ZDHHC17: variants seen among roughly 807,000 people sequenced by gnomAD.
ZDHHC17 encodes the protein zDHHC palmitoyltransferase 17.
A neutral mutation model predicts 90.3 loss-of-function variants in ZDHHC17; 40 were observed. The observed-to-expected ratio is 0.44, with a 90% confidence interval of 0.34 to 0.58. The LOEUF is 0.58. ZDHHC17 is among the 20% of genes least tolerant of loss of function. The pLI, the probability that ZDHHC17 is intolerant of heterozygous loss-of-function variation, is 0.01. For missense variants in ZDHHC17, 614 were observed against 780.8 expected, an observed-to-expected ratio of 0.79 and a Z score of 2.55; for synonymous variants, 235 against 252.4, an observed-to-expected ratio of 0.93 and a Z score of 0.65.
intron 10 of ZDHHC17, among the ~76,000 whole-genome samples, chr12:76,837,453 C>T (rs1953381269): frequency 6.6e-6 from 1 of 152,092 alleles, no homozygotes; most frequent in Admixed American, 6.6e-5. Context: ...TATGATTATG[C>T]CACTGCACTC....
rs368069879 is a variant in ZDHHC17 at position 76,838,685 on chromosome 12, TTTG to T, written c.1142-3294_1142-3292del. Among the ~76,000 whole-genome samples the T allele has an allele frequency of 1.8e-4, 28 of 152,284 alleles. 1 individual carries two copies. In the South Asian group the frequency reaches 5.0e-3, roughly 27 times the overall value. ...ATCCCCCACCAGCCATCCCCTCAAT[TTTG>T]TTAAGTCACCTTATTAATGACAAGC... On this transcript the variant is annotated intron_variant, in intron 10 of 16. Transcript: ENST00000426126.
chr12:76,778,157 C>T (rs753461504), intron 1 of ZDHHC17, among the ~76,000 whole-genome samples: 15 of 152,030 alleles, frequency 9.9e-5, no homozygotes, highest in Non-Finnish European at 1.9e-4. Flanking sequence ...AGTTTTTGGT[C>T]AGTGAGATGA....
At chr12:76,815,060 T>G in intron 5 of ZDHHC17, 86 bp from the exon 6 acceptor site, 1 of 844,628 alleles carries the variant, frequency 1.2e-6, no homozygotes, top group Non-Finnish European at 1.8e-6. Context: ...GCTTCTCCTT[T>G]TATATATAGA....
intron 1 of ZDHHC17, among the ~76,000 whole-genome samples, chr12:76,792,290 G>A (rs760450128): frequency 7.2e-5 from 11 of 152,154 alleles, no homozygotes; most frequent in Non-Finnish European, 1.2e-4. Flanking sequence ...GCCTTGTGCC[G>A]TGAACCTGGG....
chr12:76,848,374 T>C lies in ZDHHC17; in HGVS notation c.1649T>C (p.Met550Thr), dbSNP rs563467214. The C allele has an allele frequency of 1.1e-5, 18 of 1,613,900 alleles. No homozygotes were observed. In the East Asian group the frequency reaches 4.0e-4, roughly 36 times the overall value. The part of the protein sequence containing the change: ...FHFMWVAVLL[M>T]CQMYQISCLG... The stretch of plus-strand genomic sequence containing the variant: ...TTCATGTGGGTGGCTGTATTACTCA[T>C]GTGTCAGATGTACCAGGTATGTGCA... The change falls in exon 15 of 17, where the codon ATG becomes ACG. Residue 550 changes from methionine to threonine, a missense_variant. By Grantham distance (81) the Met-to-Thr change is moderately conservative. Coordinates refer to ENST00000426126, the MANE Select transcript of ZDHHC17 (RefSeq NM_015336.4).
In ZDHHC17 at chr12:76,802,212, C is replaced by T. The variant is rs12322342; in HGVS notation, c.198-3105C>T. 8.3e-3 allele frequency among the ~76,000 whole-genome samples: 1,259 copies of T among 152,228 alleles called. 18 individuals are homozygous for T. The highest frequency in any genetic ancestry group is 0.028 in the African/African-American group (1,183 of 41,538). ...TCCCCTCTTTTGAAGGACAATTTTG[C>T]TGAATATAGGATTTTTGGTTGGCAT... On this transcript the variant is annotated intron_variant, in intron 2 of 16. Coordinates refer to ENST00000426126, the MANE Select transcript of ZDHHC17 (RefSeq NM_015336.4).
intron 10 of ZDHHC17, among the ~76,000 whole-genome samples, chr12:76,837,760 T>C (rs918214756): frequency 2.6e-5 from 4 of 152,206 alleles, no homozygotes; most frequent in African/African-American, 9.6e-5. Flanking sequence ...AAACTATCCA[T>C]GTGTTGAATT....
intron 2 of ZDHHC17, among the ~76,000 whole-genome samples, chr12:76,800,430 T>C (rs529741462): frequency 1.3e-5 from 2 of 152,178 alleles, no homozygotes; most frequent in Admixed American, 6.5e-5. Flanking sequence ...TTATTGAGAG[T>C]TGTGGTATTG....
intron 10 of ZDHHC17, among the ~76,000 whole-genome samples, chr12:76,834,643 A>G (rs1417941501): frequency 1.3e-5 from 2 of 152,198 alleles, no homozygotes; most frequent in Non-Finnish European, 2.9e-5. Flanking sequence ...ATTGCTGTAT[A>G]TCTTTTTTTC....
At chr12:76,825,679 GAAA>G (rs11321911) in intron 8 of ZDHHC17, among the ~76,000 whole-genome samples, 1 of 150,584 alleles carries the variant, frequency 6.6e-6, no homozygotes, top group African/African-American at 2.4e-5. Context: ...TCATTTATAT[GAAA>G]AAAAAAAATC....
chr12:76,822,182 A>G (rs548866582), intron 7 of ZDHHC17, among the ~76,000 whole-genome samples: 2 of 152,348 alleles, frequency 1.3e-5, no homozygotes, highest in South Asian at 2.1e-4. Flanking sequence ...AAATACAGGC[A>G]AAAATAAAAT....
At chr12:76,824,744 G>A (rs1276422080) in intron 8 of ZDHHC17, among the ~76,000 whole-genome samples, 2 of 151,804 alleles carry the variant, frequency 1.3e-5, no homozygotes, top group African/African-American at 4.8e-5. Flanking sequence ...TAGGGAGGCA[G>A]AGGCAGGAGG....
At chr12:76,797,379 A>AT in intron 1 of ZDHHC17, 55 bp from the exon 2 acceptor site, 1 of 1,267,832 alleles carries the variant, frequency 7.9e-7, no homozygotes, top group Non-Finnish European at 1.1e-6. Flanking sequence ...ATATAGAAAT[A>AT]TTTTCTGTAC....
chr12:76,837,341 A>C (rs753194757), intron 10 of ZDHHC17, among the ~76,000 whole-genome samples: 2 of 152,102 alleles, frequency 1.3e-5, no homozygotes, highest in Non-Finnish European at 2.9e-5. Flanking sequence ...CAAAAACTAA[A>C]AAAATTAGCC....
At chr12:76,809,015 T>C in intron 3 of ZDHHC17, 28 bp from the exon 4 acceptor site, 1 of 1,364,340 alleles carries the variant, frequency 7.3e-7, no homozygotes, top group Non-Finnish European at 9.7e-7. Context: ...TGAAAGTTAT[T>C]TAAATTATTA....
intron 12 of ZDHHC17, chr12:76,844,785 G>T (rs953632841): frequency 3.9e-5 from 6 of 152,080 alleles, no homozygotes; most frequent in African/African-American, 1.4e-4. Context: ...AACTAATGGA[G>T]AAATGGCAGT....
chr12:76,803,719 A>G (rs1245865733), intron 2 of ZDHHC17, among the ~76,000 whole-genome samples: 2 of 152,202 alleles, frequency 1.3e-5, no homozygotes, highest in African/African-American at 4.8e-5. Context: ...CGTTATATAT[A>G]TGTTGACTTG....
At chr12:76,842,747 T>G (rs1442392493) in intron 11 of ZDHHC17, among the ~76,000 whole-genome samples, 172 bp from the exon 12 acceptor site, 1 of 152,194 alleles carries the variant, frequency 6.6e-6, no homozygotes, top group African/African-American at 2.4e-5. Context: ...ATTGCTACCC[T>G]GTATTCTTCT....
At chr12:76,779,053 C>G (rs1565761491) in intron 1 of ZDHHC17, among the ~76,000 whole-genome samples, 1 of 152,214 alleles carries the variant, frequency 6.6e-6, no homozygotes. Context: ...TTTAAAGACC[C>G]TAGCTCCAAA....
Sources: gnomAD v4.1 joint callset for allele counts (sites outside exome capture counted in the v4.1 genomes callset) on GRCh38, gnomAD v4.1.1 for gene constraint, MANE v1.5 for transcripts, NCBI Gene and HGNC (gene_info 2026-07-23, HGNC 2026-07-21) for gene names.